AUTS2: variants seen among roughly 807,000 people sequenced by gnomAD.
AUTS2 encodes activator of transcription and developmental regulator AUTS2.
A neutral mutation model predicts 112.4 loss-of-function variants in AUTS2; 17 were observed. The observed-to-expected ratio is 0.15, with a 90% CI of 0.10 to 0.23. The LOEUF (loss-of-function observed/expected upper bound fraction) is 0.23. Ranked by LOEUF, AUTS2 falls within the 10% of genes least tolerant of loss-of-function variation. AUTS2 has a pLI of 1.00. For synonymous variants in AUTS2, 751 were observed against 702.7 expected, an observed-to-expected ratio of 1.07 and a Z score of -1.09; for missense variants, 1,510 against 1,701.6, an observed-to-expected ratio of 0.89 and a Z score of 1.98.
intron 4 of AUTS2, among the ~76,000 whole-genome samples, chr7:70,401,084 G>A (rs1422774013): frequency 6.6e-6 from 1 of 152,188 alleles, no homozygotes; most frequent in Non-Finnish European, 1.5e-5. Flanking sequence ...GAGGCAGTCA[G>A]CAAGGACTGG....
At chr7:70,416,620 T>C (rs894251906) in intron 4 of AUTS2, among the ~76,000 whole-genome samples, 5 of 152,210 alleles carry the variant, frequency 3.3e-5, no homozygotes, top group African/African-American at 1.2e-4. Context: ...GAAGCAATGA[T>C]CTTCAGCCCT....
intron 5 of AUTS2, among the ~76,000 whole-genome samples, chr7:70,629,367 G>T (rs1354523598): frequency 6.6e-6 from 1 of 152,076 alleles, no homozygotes; most frequent in Non-Finnish European, 1.5e-5. Context: ...AGCTACTCAG[G>T]AGGCTAAGGC....
chr7:69,632,097 G>A (rs1385505441), intron 1 of AUTS2, among the ~76,000 whole-genome samples: 1 of 152,184 alleles, frequency 6.6e-6, no homozygotes, highest in Non-Finnish European at 1.5e-5. Flanking sequence ...CTTTGGTATA[G>A]TTCCTCTGGA....
chr7:70,625,626 A>G (rs566059150), intron 5 of AUTS2, among the ~76,000 whole-genome samples: 69 of 152,304 alleles, frequency 4.5e-4, no homozygotes, highest in Non-Finnish European at 8.2e-4. Flanking sequence ...ACACCTGCCA[A>G]GCATTGTTGA....
At chr7:70,041,436 T>G (rs1354490178) in intron 2 of AUTS2, among the ~76,000 whole-genome samples, 2 of 152,220 alleles carry the variant, frequency 1.3e-5, no homozygotes, top group East Asian at 3.8e-4. Flanking sequence ...TCTCCCTCTC[T>G]GTACTAATGA....
At chr7:69,725,816 A>C (rs576293) in intron 1 of AUTS2, among the ~76,000 whole-genome samples, 93,482 of 152,048 alleles carry the variant, frequency 0.61, 29,049 homozygotes, top group East Asian at 0.7. Context: ...GTTCCAGGAT[A>C]CAATCAGTTC....
At chr7:70,037,554 A>T (rs1268764243) in intron 2 of AUTS2, among the ~76,000 whole-genome samples, 3 of 152,196 alleles carry the variant, frequency 2.0e-5, no homozygotes, top group Non-Finnish European at 4.4e-5. Context: ...AAAATATTTT[A>T]AAATGTGGAC....
chr7:70,003,393 TGA>T (rs1339951285), intron 2 of AUTS2, among the ~76,000 whole-genome samples: 1 of 126,068 alleles, frequency 7.9e-6, no homozygotes, highest in East Asian at 2.2e-4. Context: ...ATATAACATA[TGA>T]ATATATATAA....
At chr7:69,854,072 T>C (rs983540835) in intron 1 of AUTS2, among the ~76,000 whole-genome samples, 1 of 152,176 alleles carries the variant, frequency 6.6e-6, no homozygotes, top group African/African-American at 2.4e-5. Flanking sequence ...TCTCCTTCTC[T>C]AACATATTCC....
At chr7:69,735,765 G>T (rs564171080) in intron 1 of AUTS2, among the ~76,000 whole-genome samples, 4 of 152,226 alleles carry the variant, frequency 2.6e-5, no homozygotes, top group African/African-American at 4.8e-5. Flanking sequence ...CTCCGTAAGG[G>T]CTGGCCCTTA....
intron 2 of AUTS2, among the ~76,000 whole-genome samples, chr7:70,007,827 A>G (rs1799613817): frequency 6.6e-6 from 1 of 152,184 alleles, no homozygotes; most frequent in Non-Finnish European, 1.5e-5. Context: ...ATATAGCCTA[A>G]GATTTTCTAT....
At chr7:70,611,673 T>G (rs1458487023) in intron 5 of AUTS2, among the ~76,000 whole-genome samples, 1 of 152,266 alleles carries the variant, frequency 6.6e-6, no homozygotes, top group East Asian at 1.9e-4. Context: ...GCAAGTCTTT[T>G]TGTTACAATT....
At chr7:70,108,439 A>G (rs930188075) in intron 2 of AUTS2, among the ~76,000 whole-genome samples, 6 of 152,176 alleles carry the variant, frequency 3.9e-5, no homozygotes, top group Non-Finnish European at 8.8e-5. Flanking sequence ...CATGAAAGTA[A>G]AGATAACGGT....
At chr7:70,515,990 A>G (rs1318836992) in intron 5 of AUTS2, among the ~76,000 whole-genome samples, 1 of 152,132 alleles carries the variant, frequency 6.6e-6, no homozygotes, top group Non-Finnish European at 1.5e-5. Flanking sequence ...GGCCCAAACG[A>G]TCGTTCACCT....
chr7:69,813,505 T>G (rs1419797346), intron 1 of AUTS2, among the ~76,000 whole-genome samples: 1 of 152,208 alleles, frequency 6.6e-6, no homozygotes, highest in Non-Finnish European at 1.5e-5. Context: ...GAAAATTATT[T>G]AACCTTTCTA....
At chr7:70,226,823 G>C (rs188238780) in intron 4 of AUTS2, among the ~76,000 whole-genome samples, 6 of 152,300 alleles carry the variant, frequency 3.9e-5, no homozygotes, top group Admixed American at 2.0e-4. Flanking sequence ...GTTGCATAGT[G>C]CTGTAAGTGG....
intron 2 of AUTS2, among the ~76,000 whole-genome samples, chr7:69,973,225 T>C (rs1246736202): frequency 6.6e-6 from 1 of 152,218 alleles, no homozygotes; most frequent in Non-Finnish European, 1.5e-5. Flanking sequence ...ATTTAGATTT[T>C]ACATGCATAT....
intron 5 of AUTS2, among the ~76,000 whole-genome samples, chr7:70,613,997 A>C (rs188340237): frequency 4.6e-5 from 7 of 152,368 alleles, no homozygotes; most frequent in Admixed American, 2.0e-4. Context: ...AATGAAGGCT[A>C]GGGTAGTTAG....
At chr7:69,852,599 C>A (rs1009569811) in intron 1 of AUTS2, among the ~76,000 whole-genome samples, 1 of 151,952 alleles carries the variant, frequency 6.6e-6, no homozygotes, top group Non-Finnish European at 1.5e-5. Context: ...ATTACAGGTG[C>A]CTGCCACCAT....
Sources: gnomAD v4.1 joint callset for allele counts (sites outside exome capture counted in the v4.1 genomes callset) on GRCh38, gnomAD v4.1.1 for gene constraint, MANE v1.5 for transcripts, NCBI Gene and HGNC (gene_info 2026-07-23, HGNC 2026-07-21) for gene names.